ATF7IP: variants seen among roughly 807,000 people sequenced by gnomAD.
ATF7IP encodes the protein activating transcription factor 7 interacting protein.
ATF7IP carries 23 observed loss-of-function variants against 106.4 expected under a neutral mutation model. The observed-to-expected ratio is 0.22, with a 90% CI of 0.16 to 0.31. The LOEUF (loss-of-function observed/expected upper bound fraction) is 0.31. Among genes scored for constraint, ATF7IP ranks in the 10% least tolerant of loss-of-function variants. The probability of loss-of-function intolerance (pLI) is 1.00; values close to 1 mark genes in which losing one functional copy is unlikely to be tolerated. For synonymous variants in ATF7IP, 542 were observed against 539.0 expected (o/e 1.01, Z -0.08); for missense variants, 1,334 against 1,524.3 (o/e 0.88, Z 2.08).
chr12:14,450,952 T>C (rs1484389827), intron 6 of ATF7IP, among the ~76,000 whole-genome samples: 1 of 152,026 alleles, frequency 6.6e-6, no homozygotes, highest in Non-Finnish European at 1.5e-5. Context: ...ATTTTTGTAT[T>C]TGTAGTAGAG....
chr12:14,441,635 G>A (rs1253668692), intron 5 of ATF7IP, among the ~76,000 whole-genome samples: 1 of 151,904 alleles, frequency 6.6e-6, no homozygotes, highest in African/African-American at 2.4e-5. Context: ...GACTACAGGC[G>A]TCTGCCACCA....
intron 1 of ATF7IP, among the ~76,000 whole-genome samples, chr12:14,378,926 ATCTTGAC>A (rs1344044459): frequency 2.6e-5 from 4 of 152,202 alleles, no homozygotes; most frequent in African/African-American, 9.6e-5. Flanking sequence ...GGCAGCAAAA[ATCTTGAC>A]TCACATTTAG....
chr12:14,414,394 G>T (rs1941086904), intron 1 of ATF7IP, among the ~76,000 whole-genome samples: 1 of 152,186 alleles, frequency 6.6e-6, no homozygotes, highest in Non-Finnish European at 1.5e-5. Context: ...GGGCCCACAG[G>T]CTGCATAGAG....
chr12:14,497,647 T>G lies in ATF7IP; in HGVS notation c.3394-7T>G. The G allele has an allele frequency of 1.2e-6, 2 of 1,608,366 alleles. No homozygotes were observed. The highest frequency in any genetic ancestry group is 1.7e-6 in the Non-Finnish European group (2 of 1,176,630). ...TCATCATTAATCAGTGTGACCTGTT[T>G]CTTCAGGAGCCCCCACGCCCCGTGC... On this transcript the variant is annotated splice_polypyrimidine_tract_variant and splice_region_variant and intron_variant, in intron 14 of 14. Transcript: ENST00000261168.
At chr12:14,370,255 G>C (rs540402050) in intron 1 of ATF7IP, among the ~76,000 whole-genome samples, 30 of 152,086 alleles carry the variant, frequency 2.0e-4, no homozygotes, top group African/African-American at 7.0e-4. Flanking sequence ...CATTTTTCTG[G>C]GGAAAAAGTG....
intron 1 of ATF7IP, among the ~76,000 whole-genome samples, chr12:14,389,866 C>T (rs541490655): frequency 2.6e-5 from 4 of 152,262 alleles, no homozygotes; most frequent in East Asian, 1.9e-4. Context: ...TTAGGTGATC[C>T]GCCCGCCTCG....
chr12:14,391,985 T>C (rs1939581664), intron 1 of ATF7IP, among the ~76,000 whole-genome samples: 1 of 152,078 alleles, frequency 6.6e-6, no homozygotes, highest in South Asian at 2.1e-4. Flanking sequence ...CCTCCAAAAG[T>C]GCTGGGATTA....
Position 14,424,803 on chromosome 12 carries a change from T to C in ATF7IP, c.888T>C (p.Val296=), listed in dbSNP as rs1941748966. 6.2e-7 allele frequency: 1 copy of C among 1,614,130 alleles called. No individual in the cohort carries two copies. Among genetic ancestry groups the C allele is most frequent in the Non-Finnish European group, 8.5e-7 (1 of 1,180,024 alleles). The change falls in exon 2 of 15, where the codon GTT becomes GTC. Residue 296 remains valine (V), a synonymous_variant. Transcript: ENST00000261168. ...CCTTTGAACCAAAGTCTGTACCAGT[T>C]TGTGAACCAGTTCCTGAAATTGACA... The part of the protein sequence containing the change: ...DRTFEPKSVP[V]CEPVPEIDNI...
At chr12:14,473,270 AGC>A (rs1387021359) in intron 10 of ATF7IP, among the ~76,000 whole-genome samples, 2 of 97,090 alleles carry the variant, frequency 2.1e-5, no homozygotes, top group Admixed American at 2.1e-4. Context: ...TTAGCTTTTT[AGC>A]GCGCTCTCTC....
intron 2 of ATF7IP, among the ~76,000 whole-genome samples, chr12:14,426,035 A>G (rs6488686): frequency 1 from 152,057 of 152,266 alleles, 75,925 homozygotes; most frequent in Non-Finnish European, 1. Context: ...ATTCTACCCA[A>G]CCTATTCTCT....
chr12:14,421,138 A>G (rs567517823), intron 1 of ATF7IP, among the ~76,000 whole-genome samples: 1 of 152,366 alleles, frequency 6.6e-6, no homozygotes, highest in African/African-American at 2.4e-5. Context: ...AATATCAGAC[A>G]TGATATCTCT....
Position 14,424,475 on chromosome 12 carries a change from G to A in ATF7IP, c.560G>A (p.Gly187Asp). The A allele has an allele frequency of 6.2e-7, 1 of 1,613,384 alleles. No homozygotes were observed. Among genetic ancestry groups the A allele is most frequent in the Non-Finnish European group, 8.5e-7 (1 of 1,179,676 alleles). ...GCCCCTTCTGGTGATGTGTCCCCTG[G>A]TGATGCCACCTCTGGTGATGCCACT... The part of the protein sequence containing the change: ...GDAPSGDVSP[G>D]DATSGDATAD... Residue 187 changes from glycine (G) to aspartate (D), a missense_variant, in exon 2 of 15, where the codon GGT (glycine) becomes GAT (aspartate). By Grantham distance (94) the Gly-to-Asp change is moderately conservative. Transcript: ENST00000261168.
chr12:14,375,036 G>A (rs1042750045), intron 1 of ATF7IP, among the ~76,000 whole-genome samples: 3 of 151,822 alleles, frequency 2.0e-5, no homozygotes, highest in Admixed American at 2.0e-4. Flanking sequence ...TATTAAAAGT[G>A]TAAGATTGCT....
At chr12:14,440,385 C>T (rs971803421) in intron 5 of ATF7IP, among the ~76,000 whole-genome samples, 47 of 152,048 alleles carry the variant, frequency 3.1e-4, no homozygotes, top group African/African-American at 1.0e-3. Flanking sequence ...AATTGTGTAC[C>T]GGTAAAACCA....
intron 10 of ATF7IP, among the ~76,000 whole-genome samples, chr12:14,473,888 G>A (rs767387370): frequency 5.9e-5 from 9 of 151,572 alleles, no homozygotes; most frequent in Non-Finnish European, 1.2e-4. Flanking sequence ...CCAATAGTCA[G>A]CAGTTACTCT....
At chr12:14,407,407 T>G (rs1474693353) in intron 1 of ATF7IP, among the ~76,000 whole-genome samples, 1 of 152,158 alleles carries the variant, frequency 6.6e-6, no homozygotes, top group Admixed American at 6.5e-5. Context: ...ATCTATTTAT[T>G]TTTTGGTTTG....
At chr12:14,473,286 C>A (rs1356458040) in intron 10 of ATF7IP, among the ~76,000 whole-genome samples, 7 of 53,734 alleles carry the variant, frequency 1.3e-4, no homozygotes, top group Admixed American at 2.6e-4. Context: ...CTCTCTCTCT[C>A]TCTCTGTGTG....
At chr12:14,496,090 AACAG>A in intron 13 of ATF7IP, 137 bp from the exon 14 acceptor site, 2 of 594,892 alleles carry the variant, frequency 3.4e-6, no homozygotes, top group Non-Finnish European at 5.9e-6. Context: ...GCTGAATACG[AACAG>A]GACCTCTAGG....
At position 14,500,309 on chromosome 12, in the gene ATF7IP, A is replaced by C. The variant is rs1945127870; in HGVS notation, c.*2236A>C. The stretch of plus-strand genomic sequence containing the variant: ...GTGTGAGATTTGATTCATGATGAAG[A>C]AAGCCTATAGATTGCCAAAAAATTA... On this transcript the variant is annotated 3_prime_UTR_variant, in exon 15 of 15. Transcript: ENST00000261168. 1 of 152,218 alleles carries C rather than the reference A, an allele frequency of 6.6e-6. No individual in the cohort carries two copies. Among genetic ancestry groups the C allele is most frequent in the Non-Finnish European group, 1.5e-5 (1 of 68,044 alleles). 9.4% of individuals were successfully genotyped at this position (152,218 alleles called of 1,614,324 possible). A position where few individuals can be genotyped will look rare whatever the true frequency, so the allele number is the denominator to read the frequency against.
Sources: allele counts gnomAD v4.1 joint callset (sites outside exome capture counted in the v4.1 genomes callset), GRCh38; gene constraint gnomAD v4.1.1; transcripts MANE v1.5; gene names NCBI Gene and HGNC (gene_info 2026-07-23, HGNC 2026-07-21).